Variants in TMEM132D observed in about 807,000 individuals in gnomAD.
The protein encoded by TMEM132D is mature OL transmembrane protein.
Under a neutral mutation model 62.3 loss-of-function variants are expected in TMEM132D, and 21 were observed. The ratio of observed to expected loss-of-function variants is 0.34; its 90% CI spans 0.24 to 0.49. The LOEUF (loss-of-function observed/expected upper bound fraction) is 0.49. TMEM132D is among the 20% of genes least tolerant of loss of function. TMEM132D has a pLI of 0.99. For synonymous variants in TMEM132D, 621 were observed against 575.6 expected, an observed-to-expected ratio of 1.08 and a Z score of -1.13; for missense variants, 1,346 against 1,402.8, an observed-to-expected ratio of 0.96 and a Z score of 0.65.
At chr12:129,323,263 C>A (rs1266457740) in intron 4 of TMEM132D, among the ~76,000 whole-genome samples, 1 of 152,044 alleles carries the variant, frequency 6.6e-6, no homozygotes, top group African/African-American at 2.4e-5. Context: ...AAAAAAAAAG[C>A]GTAAATAGCA....
chr12:129,535,962 G>A (rs1876375908), intron 2 of TMEM132D, among the ~76,000 whole-genome samples: 1 of 152,154 alleles, frequency 6.6e-6, no homozygotes. Context: ...ACATAGTCCT[G>A]TTAGAAACTA....
chr12:129,895,812 C>A (rs1285203483), intron 1 of TMEM132D, among the ~76,000 whole-genome samples: 1 of 123,316 alleles, frequency 8.1e-6, no homozygotes, highest in Non-Finnish European at 1.7e-5. Flanking sequence ...CTGCCCTTTC[C>A]CCTAGTAAAA....
At chr12:129,318,056 G>A (rs184680691) in intron 4 of TMEM132D, among the ~76,000 whole-genome samples, 3 of 152,058 alleles carry the variant, frequency 2.0e-5, no homozygotes, top group Non-Finnish European at 2.9e-5. Context: ...TTGTATCATT[G>A]TTTGGATTTC....
chr12:129,185,773 G>GTCTATCTA (rs1555235284), intron 5 of TMEM132D, among the ~76,000 whole-genome samples: 4,212 of 135,946 alleles, frequency 0.031, 91 homozygotes, highest in African/African-American at 0.048. Flanking sequence ...CTGTCTGTCT[G>GTCTATCTA]TCTATCTATC....
At chr12:129,131,664 GA>G (rs1277158707) in intron 5 of TMEM132D, among the ~76,000 whole-genome samples, 1 of 152,108 alleles carries the variant, frequency 6.6e-6, no homozygotes, top group African/African-American at 2.4e-5. Flanking sequence ...TCAGGTATGA[GA>G]ATCCAGCATG....
At position 129,554,974 on chromosome 12, in the gene TMEM132D, G is replaced by A. The variant is rs1424796872; in HGVS notation, c.969-23769C>T. 2.6e-5 allele frequency among the ~76,000 whole-genome samples: 4 copies of A among 152,226 alleles called. No individual in the cohort carries two copies. The East Asian group carries it at 5.8e-4, about 22-fold the overall frequency. On this transcript the variant is annotated intron_variant, in intron 2 of 8. Transcript: ENST00000422113. ...CATAATTCTCTCTTCTAGCCCTACT[G>A]TGGCCTAAAACCTCCAGCCCTCCAA...
intron 3 of TMEM132D, among the ~76,000 whole-genome samples, chr12:129,514,580 T>C (rs1844290990): frequency 2.0e-5 from 3 of 152,218 alleles, no homozygotes; most frequent in South Asian, 2.1e-4. Flanking sequence ...TATCTGTGCA[T>C]GTGAGCTGAA....
chr12:129,141,804 A>G (rs200994690), intron 5 of TMEM132D, among the ~76,000 whole-genome samples: 1 of 152,046 alleles, frequency 6.6e-6, no homozygotes, highest in East Asian at 1.9e-4. Flanking sequence ...TTGAAAAACT[A>G]ACTTTGGGGT....
At chr12:129,295,069 A>G (rs145290531) in intron 4 of TMEM132D, among the ~76,000 whole-genome samples, 3 of 152,306 alleles carry the variant, frequency 2.0e-5, no homozygotes, top group Non-Finnish European at 2.9e-5. Flanking sequence ...TCATCCAATC[A>G]GTCGAAGGCT....
chr12:129,524,240 A>G (rs7971890), intron 3 of TMEM132D, among the ~76,000 whole-genome samples: 2,147 of 152,216 alleles, frequency 0.014, 20 homozygotes, highest in Non-Finnish European at 0.023. Flanking sequence ...ATAATAAAAA[A>G]TAAAAAAATA....
chr12:129,494,743 T>C (rs947809268), intron 3 of TMEM132D, among the ~76,000 whole-genome samples: 6 of 152,204 alleles, frequency 3.9e-5, no homozygotes, highest in Middle Eastern at 3.4e-3. Flanking sequence ...TACAACTGAA[T>C]AAAATCGGAA....
rs1878054581 is a variant in TMEM132D at position 129,181,121 on chromosome 12, C to T, written c.1443+28399G>A. 3.3e-5 allele frequency among the ~76,000 whole-genome samples: 5 copies of T among 151,892 alleles called. No individual in the cohort carries two copies. The South Asian group carries it at 6.2e-4, about 19-fold the overall frequency. ...ACAGATCCAGGAAATGCAACTGGCA[C>T]CTCATACTCAATTCAAACCCAACTA... On this transcript the variant is annotated intron_variant, in intron 5 of 8. Coordinates refer to ENST00000422113, the MANE Select transcript of TMEM132D (RefSeq NM_133448.3).
chr12:129,195,115 G>A (rs1400428227), intron 5 of TMEM132D, among the ~76,000 whole-genome samples: 1 of 152,178 alleles, frequency 6.6e-6, no homozygotes, highest in Non-Finnish European at 1.5e-5. Flanking sequence ...ATAGGGCAGG[G>A]AAGAAGGATG....
rs1262941853 is a variant in TMEM132D, at chr12:129,779,867, G to A, written c.80-79169C>T. Among the ~76,000 whole-genome samples the A allele has an allele frequency of 6.6e-6, 1 of 152,138 alleles. No homozygotes were observed. ...TGAGCTGCGAGGACAATAATTAAAA[G>A]AATCTGCAGGTGAAGCACATTACTA... On this transcript the variant is annotated intron_variant, in intron 1 of 8. Transcript: ENST00000422113. The surrounding 1 kb of genome is among the most constrained non-coding windows in gnomAD (Gnocchi z 4.1).
chr12:129,206,301 A>G (rs1377725397), intron 5 of TMEM132D, among the ~76,000 whole-genome samples: 3 of 152,254 alleles, frequency 2.0e-5, no homozygotes, highest in Non-Finnish European at 2.9e-5. Context: ...GGACATGAAC[A>G]GACATTTTTC....
At chr12:129,605,488 T>C (rs1878590741) in intron 2 of TMEM132D, among the ~76,000 whole-genome samples, 1 of 151,420 alleles carries the variant, frequency 6.6e-6, no homozygotes, top group African/African-American at 2.4e-5. Flanking sequence ...AGTACTTGAA[T>C]GACACTTGCA....
intron 1 of TMEM132D, among the ~76,000 whole-genome samples, chr12:129,761,640 T>C (rs1441176449): frequency 1.3e-5 from 2 of 152,096 alleles, no homozygotes; most frequent in African/African-American, 2.4e-5. Context: ...TGGCCACAGC[T>C]CCCCTCCCTT....
At chr12:129,765,725 C>A (rs1209146880) in intron 1 of TMEM132D, among the ~76,000 whole-genome samples, 2 of 152,156 alleles carry the variant, frequency 1.3e-5, no homozygotes, top group Non-Finnish European at 2.9e-5. Flanking sequence ...ATACTTGTAC[C>A]TGTTCTTTGG....
intron 4 of TMEM132D, among the ~76,000 whole-genome samples, chr12:129,220,529 T>C (rs926625868): frequency 2.0e-5 from 3 of 152,144 alleles, no homozygotes; most frequent in Non-Finnish European, 4.4e-5. Context: ...GAGAGAGTAT[T>C]TTGTGGGCAG....
Sources: allele counts gnomAD v4.1 joint callset (sites outside exome capture counted in the v4.1 genomes callset), GRCh38; gene constraint gnomAD v4.1.1; non-coding constraint Gnocchi (gnomAD v3.1); transcripts MANE v1.5; gene names NCBI Gene and HGNC (gene_info 2026-07-23, HGNC 2026-07-21).